The following DOK6 variants were observed in gnomAD, a reference collection of about 807,000 sequenced individuals.
The protein encoded by DOK6 is downstream of tyrosine kinase 6.
DOK6 carries 22 observed loss-of-function variants against 44.0 expected under a neutral mutation model. The ratio of observed to expected loss-of-function variants is 0.50; its 90% confidence interval spans 0.36 to 0.71. DOK6 has a LOEUF of 0.71. Among genes scored for constraint, DOK6 ranks in the 30% least tolerant of loss-of-function variants. DOK6 has a pLI of 0.00. For missense variants in DOK6, 340 were observed against 416.4 expected (o/e 0.82, Z 1.60); for synonymous variants, 166 against 145.5 (o/e 1.14, Z -1.01).
At chr18:69,439,598 G>A (rs1310465194) in intron 1 of DOK6, among the ~76,000 whole-genome samples, 1 of 152,188 alleles carries the variant, frequency 6.6e-6, no homozygotes, top group African/African-American at 2.4e-5. Context: ...TTTCACTTTT[G>A]TGTTATAGAG....
chr18:69,651,176 G>A (rs577675226), intron 3 of DOK6, among the ~76,000 whole-genome samples: 18 of 152,154 alleles, frequency 1.2e-4, no homozygotes, highest in Non-Finnish European at 2.1e-4. Flanking sequence ...CCCCACTTGA[G>A]CCTCCTGTAA....
At chr18:69,735,019 G>A (rs1978555704) in intron 5 of DOK6, among the ~76,000 whole-genome samples, 1 of 152,176 alleles carries the variant, frequency 6.6e-6, no homozygotes, top group Non-Finnish European at 1.5e-5. Context: ...GGCTGATTCT[G>A]CCCTTGAAGG....
chr18:69,495,164 C>T (rs1483705698), intron 1 of DOK6, among the ~76,000 whole-genome samples: 3 of 152,308 alleles, frequency 2.0e-5, no homozygotes, highest in South Asian at 2.1e-4. Context: ...CCCCAGGGAA[C>T]GCAGTGGAAG....
In DOK6 at chr18:69,845,667, G is replaced by T. The variant is rs910242113; in HGVS notation, c.*4284G>T. 2 of 152,156 alleles carry T rather than the reference G, an allele frequency of 1.3e-5. No homozygotes were observed. The highest frequency in any genetic ancestry group is 1.3e-4 in the Admixed American group (2 of 15,280). 9.4% of individuals were successfully genotyped at this position (152,156 alleles called of 1,614,324 possible). ...AATGAAATGTCCAGAGTAACACTTG[G>T]TCTCTACCTTTCTAACATTCTAACC... is the stretch of plus-strand genomic sequence containing the variant. On this transcript the variant is annotated 3_prime_UTR_variant, in exon 8 of 8. Coordinates refer to ENST00000382713, the MANE Select transcript of DOK6 (RefSeq NM_152721.6).
chr18:69,652,150 G>GA (rs1375717317), intron 3 of DOK6, among the ~76,000 whole-genome samples: 3 of 152,126 alleles, frequency 2.0e-5, no homozygotes, highest in African/African-American at 7.2e-5. Flanking sequence ...GCAATTGTGT[G>GA]AGTAATTTTG....
intron 1 of DOK6, among the ~76,000 whole-genome samples, chr18:69,529,298 C>A (rs187206418): frequency 6.6e-6 from 1 of 152,098 alleles, no homozygotes; most frequent in Non-Finnish European, 1.5e-5. Flanking sequence ...ACCAAGAATT[C>A]TTTTCATTGC....
rs896117263 is a variant in DOK6 at position 69,562,785 on chromosome 18, C to A, written c.67-1702C>A. On this transcript the variant is annotated intron_variant, in intron 1 of 7. Transcript: ENST00000382713. ...ACACCAAAAGCAATGGCAACAAAAG[C>A]CAAAATTGACAAATGGGATCTAATT... 1.1e-3 allele frequency among the ~76,000 whole-genome samples: 161 copies of A among 152,132 alleles called. 1 individual carries two copies. Among genetic ancestry groups the A allele is most frequent in the Non-Finnish European group, 1.8e-3 (125 of 67,982 alleles).
intron 1 of DOK6, among the ~76,000 whole-genome samples, chr18:69,487,875 A>G (rs1387511098): frequency 6.6e-6 from 1 of 151,370 alleles, no homozygotes; most frequent in Admixed American, 6.6e-5. Context: ...TTTCACAAAA[A>G]CTCTTTCTGG....
At chr18:69,711,870 G>T (rs1986763711) in intron 5 of DOK6, among the ~76,000 whole-genome samples, 1 of 152,132 alleles carries the variant, frequency 6.6e-6, no homozygotes. Context: ...ATTCGTGGCA[G>T]GCCCCATACT....
intron 7 of DOK6, among the ~76,000 whole-genome samples, chr18:69,787,472 C>T (rs1279412146): frequency 6.6e-6 from 1 of 152,158 alleles, no homozygotes; most frequent in Non-Finnish European, 1.5e-5. Flanking sequence ...GGAATCAATA[C>T]ATTATAAGGA....
chr18:69,728,065 C>T (rs190217886), intron 5 of DOK6, among the ~76,000 whole-genome samples: 5 of 152,282 alleles, frequency 3.3e-5, no homozygotes, highest in East Asian at 1.9e-4. Context: ...TGCAGGGATG[C>T]GCTGTCACGC....
At chr18:69,686,863 A>G (rs7244355) in intron 4 of DOK6, among the ~76,000 whole-genome samples, 119,341 of 151,910 alleles carry the variant, frequency 0.79, 47,024 homozygotes, top group East Asian at 0.87. Flanking sequence ...TTACACAGTC[A>G]TACTCAAGGA....
chr18:69,535,912 T>C (rs1373051859), intron 1 of DOK6, among the ~76,000 whole-genome samples: 4 of 152,062 alleles, frequency 2.6e-5, no homozygotes, highest in South Asian at 2.1e-4. Context: ...TAAAAATGAA[T>C]GGTCTTTGTA....
At chr18:69,545,336 C>T (rs1233516987) in intron 1 of DOK6, among the ~76,000 whole-genome samples, 1 of 150,214 alleles carries the variant, frequency 6.7e-6, no homozygotes, top group African/African-American at 2.4e-5. Context: ...TACTCTACAA[C>T]TAGTTTTCAT....
In DOK6 at chr18:69,771,557, A is replaced by AT. The variant is rs200952477; in HGVS notation, c.856+13692dup. On this transcript the variant is annotated intron_variant, in intron 7 of 7. Transcript: ENST00000382713. ...AATAACATTTCTAGGAGTGGAATTGATTTTTTTTCAATCAGAATTTATGGG... is the reference window on the plus strand; with the variant it reads ...AATAACATTTCTAGGAGTGGAATTGATTTTTTTTTCAATCAGAATTTATGGG... Among the ~76,000 whole-genome samples the AT allele has an allele frequency of 5.1e-3, 767 of 151,788 alleles. 8 individuals are homozygous for AT. The highest frequency in any genetic ancestry group is 0.018 in the African/African-American group (744 of 41,434).
At chr18:69,470,651 G>A (rs1031115829) in intron 1 of DOK6, among the ~76,000 whole-genome samples, 7 of 152,028 alleles carry the variant, frequency 4.6e-5, no homozygotes, top group Admixed American at 3.9e-4. Flanking sequence ...TAGTATCCAG[G>A]ACTGTGAGAG....
intron 3 of DOK6, among the ~76,000 whole-genome samples, chr18:69,665,767 G>T (rs1219392799): frequency 1.3e-5 from 2 of 151,618 alleles, no homozygotes; most frequent in Non-Finnish European, 2.9e-5. Flanking sequence ...GATTTTACTT[G>T]GTTCCATGGG....
At chr18:69,465,376 T>C (rs1456197235) in intron 1 of DOK6, among the ~76,000 whole-genome samples, 1 of 152,070 alleles carries the variant, frequency 6.6e-6, no homozygotes, top group Non-Finnish European at 1.5e-5. Flanking sequence ...TACATATGTA[T>C]ACATATGCCA....
At chr18:69,793,578 T>C (rs899732011) in intron 7 of DOK6, among the ~76,000 whole-genome samples, 1 of 152,146 alleles carries the variant, frequency 6.6e-6, no homozygotes, top group African/African-American at 2.4e-5. Flanking sequence ...ACAATCTTTT[T>C]TAAAAGGGGA....
Sources: gnomAD v4.1 joint callset for allele counts (sites outside exome capture counted in the v4.1 genomes callset) on GRCh38, gnomAD v4.1.1 for gene constraint, MANE v1.5 for transcripts, NCBI Gene and HGNC (gene_info 2026-07-23, HGNC 2026-07-21) for gene names.